Variants in PDE11A observed in about 807,000 individuals in gnomAD.
PDE11A encodes the protein dual 3',5'-cyclic-AMP and -GMP phosphodiesterase 11A.
Under a neutral mutation model 100.5 loss-of-function variants are expected in PDE11A, and 100 were observed. That is an observed-to-expected ratio of 1.00 (90% confidence interval 0.85 to 1.18). PDE11A has a LOEUF of 1.18. PDE11A is among the 50% of genes most tolerant of loss of function. PDE11A has a pLI of 0.00. For missense variants in PDE11A, 1,141 were observed against 1,152.6 expected, an observed-to-expected ratio of 0.99 and a Z score of 0.15; for synonymous variants, 381 against 420.8, an observed-to-expected ratio of 0.91 and a Z score of 1.16.
chr2:177,876,662 C>A (rs1220778240), intron 4 of PDE11A, among the ~76,000 whole-genome samples: 2 of 148,096 alleles, frequency 1.4e-5, no homozygotes, highest in East Asian at 3.8e-4. Flanking sequence ...TATACTCAGT[C>A]TATAGATGAG....
At chr2:177,942,209 C>T (rs2085352773) in intron 2 of PDE11A, among the ~76,000 whole-genome samples, 1 of 152,192 alleles carries the variant, frequency 6.6e-6, no homozygotes. Context: ...GGACAAACTT[C>T]TTAACCTCTC....
intron 9 of PDE11A, among the ~76,000 whole-genome samples, chr2:177,777,018 C>T (rs1051762704): frequency 3.9e-5 from 6 of 152,132 alleles, no homozygotes; most frequent in African/African-American, 1.2e-4. Flanking sequence ...ACTTCTCCTT[C>T]CTGTACCATG....
intron 10 of PDE11A, among the ~76,000 whole-genome samples, chr2:177,754,226 GA>G (rs1368381146): frequency 1.3e-5 from 2 of 152,278 alleles, no homozygotes. Context: ...CCACTGGAGG[GA>G]AAGACTATTT....
At chr2:177,896,169 G>A (rs1304133748) in intron 4 of PDE11A, among the ~76,000 whole-genome samples, 3 of 152,042 alleles carry the variant, frequency 2.0e-5, no homozygotes, top group African/African-American at 4.8e-5. Context: ...CGCTGTTATC[G>A]TTTGTACCAT....
rs928638870 is a variant in PDE11A, at chr2:177,625,815, C to T, written c.*3592G>A. On this transcript the variant is annotated 3_prime_UTR_variant, in exon 20 of 20. Transcript: ENST00000286063. ...AATTGTTTAGAAAAGGGATTAAAAACGCCTGAAACCCGCAAGAGTTCAACC... is the reference window on the plus strand; with the variant it reads ...AATTGTTTAGAAAAGGGATTAAAAATGCCTGAAACCCGCAAGAGTTCAACC... 5.2e-5 allele frequency: 8 copies of T among 152,540 alleles called. No individual in the cohort carries two copies. Among genetic ancestry groups the T allele is most frequent in the African/African-American group, 9.7e-5 (4 of 41,440 alleles). The allele number at this position is 152,540 out of a possible 1,614,324, so 9.4% of individuals were successfully genotyped here.
intron 18 of PDE11A, among the ~76,000 whole-genome samples, chr2:177,665,305 C>G (rs1240888715): frequency 5.5e-5 from 3 of 54,842 alleles, no homozygotes; most frequent in Non-Finnish European, 1.2e-4. Context: ...AGCCCCTGTC[C>G]CTACAAAAAA....
chr2:177,993,574 A>C (rs889832752), intron 2 of PDE11A, among the ~76,000 whole-genome samples: 1 of 152,184 alleles, frequency 6.6e-6, no homozygotes, highest in African/African-American at 2.4e-5. Flanking sequence ...TCATTGATAT[A>C]ATCTTCCAAT....
chr2:177,854,944 A>G (rs2083804448), intron 5 of PDE11A, among the ~76,000 whole-genome samples: 1 of 152,134 alleles, frequency 6.6e-6, no homozygotes, highest in Non-Finnish European at 1.5e-5. Flanking sequence ...AGTCAAAAAG[A>G]AAGTCCTTGT....
rs190696240 is a variant in PDE11A at position 177,634,746 on chromosome 2, A to G, written c.2647-5184T>C. Among the ~76,000 whole-genome samples the G allele has an allele frequency of 1.1e-4, 16 of 152,326 alleles. No homozygotes were observed. The East Asian group carries it at 2.9e-3, about 28-fold the overall frequency. On this transcript the variant is annotated intron_variant, in intron 19 of 19. Coordinates refer to ENST00000286063, the MANE Select transcript of PDE11A (RefSeq NM_016953.4). ...ATGCAGTTAGCTGAGAGAATATGGAACTATTAAAATACTAGTAAAGCAAGG... is the reference window on the plus strand; with the variant it reads ...ATGCAGTTAGCTGAGAGAATATGGAGCTATTAAAATACTAGTAAAGCAAGG...
At chr2:178,022,222 G>T (rs2086421717) in intron 1 of PDE11A, among the ~76,000 whole-genome samples, 1 of 152,134 alleles carries the variant, frequency 6.6e-6, no homozygotes, top group Non-Finnish European at 1.5e-5. Context: ...GAGGTAGAAT[G>T]AATAGAACTG....
chr2:177,992,384 C>T (rs2086015113), intron 2 of PDE11A, among the ~76,000 whole-genome samples: 1 of 146,056 alleles, frequency 6.8e-6, no homozygotes, highest in South Asian at 2.3e-4. Flanking sequence ...CTTGCTTTAA[C>T]TGTCAAAACG....
chr2:177,930,242 C>T (rs574245481), intron 2 of PDE11A, among the ~76,000 whole-genome samples: 48 of 152,272 alleles, frequency 3.2e-4, no homozygotes, highest in African/African-American at 1.1e-3. Flanking sequence ...GGCTGTTTTA[C>T]TTTTAAACAA....
chr2:177,644,591 A>C (rs925404392), intron 19 of PDE11A, among the ~76,000 whole-genome samples: 6 of 152,186 alleles, frequency 3.9e-5, no homozygotes, highest in Non-Finnish European at 8.8e-5. Context: ...TTGGACTGTG[A>C]ACTTTTGAGT....
At chr2:177,823,171 T>C (rs1381096464) in intron 6 of PDE11A, among the ~76,000 whole-genome samples, 1 of 152,152 alleles carries the variant, frequency 6.6e-6, no homozygotes, top group Admixed American at 6.6e-5. Context: ...CAGTGTACTC[T>C]TCCAAAAAAT....
chr2:177,825,264 A>C (rs974735853), intron 6 of PDE11A, among the ~76,000 whole-genome samples: 2 of 152,194 alleles, frequency 1.3e-5, no homozygotes, highest in Non-Finnish European at 2.9e-5. Context: ...GTATGAGCTG[A>C]GCACAGGAGA....
At chr2:177,820,708 T>G (rs144166870) in intron 6 of PDE11A, among the ~76,000 whole-genome samples, 10 of 152,108 alleles carry the variant, frequency 6.6e-5, no homozygotes, top group African/African-American at 2.4e-4. Flanking sequence ...GTAAAACATG[T>G]TTGTGCCTAT....
intron 5 of PDE11A, among the ~76,000 whole-genome samples, chr2:177,873,563 T>A (rs1343450645): frequency 1.3e-5 from 2 of 152,306 alleles, no homozygotes; most frequent in Non-Finnish European, 2.9e-5. Context: ...AAATTCACCC[T>A]TTTTTAGGTA....
At chr2:177,874,402 T>A (rs1181285334) in intron 5 of PDE11A, among the ~76,000 whole-genome samples, 1 of 152,230 alleles carries the variant, frequency 6.6e-6, no homozygotes, top group Non-Finnish European at 1.5e-5. Flanking sequence ...GTCATCATCA[T>A]CATACTGCCC....
At chr2:178,053,345 G>A (rs2086853516) in intron 1 of PDE11A, among the ~76,000 whole-genome samples, 1 of 152,152 alleles carries the variant, frequency 6.6e-6, no homozygotes, top group Admixed American at 6.5e-5. Flanking sequence ...AATAAATAAG[G>A]TATTGATGGG....
Sources: gnomAD v4.1 joint callset for allele counts (sites outside exome capture counted in the v4.1 genomes callset) on GRCh38, gnomAD v4.1.1 for gene constraint, MANE v1.5 for transcripts, NCBI Gene and HGNC (gene_info 2026-07-23, HGNC 2026-07-21) for gene names.